The following TNR variants were observed in gnomAD, a reference collection of about 807,000 sequenced individuals.
The protein encoded by TNR is tenascin-R.
Under a neutral mutation model 150.4 loss-of-function variants are expected in TNR, and 45 were observed. That is an observed-to-expected ratio of 0.30 (90% CI 0.24 to 0.38). TNR has a LOEUF of 0.38. TNR is among the 10% of genes least tolerant of loss of function. The pLI, the probability that TNR is intolerant of heterozygous loss-of-function variation, is 1.00. For missense variants in TNR, 1,544 were observed against 1,759.1 expected (o/e 0.88, Z 2.19); for synonymous variants, 687 against 678.4 (o/e 1.01, Z -0.20).
At chr1:175,519,454 C>T (rs1659548220) in intron 2 of TNR, among the ~76,000 whole-genome samples, 1 of 152,200 alleles carries the variant, frequency 6.6e-6, no homozygotes, top group African/African-American at 2.4e-5. Flanking sequence ...AAATGCATCA[C>T]CATGCTTCCT....
At chr1:175,503,635 C>T in intron 2 of TNR, among the ~76,000 whole-genome samples, 1 of 152,158 alleles carries the variant, frequency 6.6e-6, no homozygotes, top group East Asian at 1.9e-4. Flanking sequence ...TCCACAAGGG[C>T]AGCTTTCTCC....
intron 1 of TNR, among the ~76,000 whole-genome samples, chr1:175,532,001 T>G (rs887735730): frequency 6.6e-6 from 1 of 152,224 alleles, no homozygotes; most frequent in African/African-American, 2.4e-5. Context: ...CCTCTTTGGC[T>G]TAGGTGAGTC....
At chr1:175,456,966 A>G (rs1218769360) in intron 2 of TNR, among the ~76,000 whole-genome samples, 2 of 152,120 alleles carry the variant, frequency 1.3e-5, no homozygotes, top group Non-Finnish European at 2.9e-5. Context: ...TGTGGGGGGC[A>G]TTTCAATCCT....
Position 175,396,543 on chromosome 1 carries a change from C to T in TNR, c.1240+1G>A, listed in dbSNP as rs1245352495. 8 of 1,613,028 alleles carry T rather than the reference C, an allele frequency of 5.0e-6. No individual in the cohort carries two copies. The Admixed American group carries it at 6.7e-5, about 13-fold the overall frequency. The stretch of plus-strand genomic sequence containing the variant: ...AAGCAGGACGGGGAAATGGTACGTA[C>T]GGGTGGCCACCTTGGCAGTGATGGG... On this transcript the variant is annotated splice_donor_variant, in intron 5 of 22. Transcript: ENST00000367674. LOFTEE classifies it high-confidence loss of function.
In TNR at chr1:175,322,792, G is replaced by T. The variant is rs769622418; in HGVS notation, c.*565C>A. The stretch of plus-strand genomic sequence containing the variant: ...GAGATACTGTCAAGAAAGAAAGGAG[G>T]GAAGGAGGGAAGGCAGGAAAGAAGG... On this transcript the variant is annotated 3_prime_UTR_variant, in exon 23 of 23. Coordinates refer to ENST00000367674, the MANE Select transcript of TNR (RefSeq NM_003285.3). 1.3e-5 allele frequency: 2 copies of T among 152,028 alleles called. No individual in the cohort carries two copies. The highest frequency in any genetic ancestry group is 2.9e-5 in the Non-Finnish European group (2 of 68,136). The allele number at this position is 152,028 out of a possible 1,614,324, so 9.4% of individuals were successfully genotyped here.
At chr1:175,519,535 C>T (rs1034835500) in intron 2 of TNR, among the ~76,000 whole-genome samples, 2 of 152,152 alleles carry the variant, frequency 1.3e-5, no homozygotes, top group African/African-American at 4.8e-5. Context: ...TACTCTTTAC[C>T]ATTTCATTAC....
chr1:175,730,698 TAAGG>T (rs1667614260), intron 1 of TNR, among the ~76,000 whole-genome samples: 1 of 152,136 alleles, frequency 6.6e-6, no homozygotes, highest in Admixed American at 6.5e-5. Flanking sequence ...GAACGGACAA[TAAGG>T]AAGAAATAAC....
At chr1:175,706,410 A>T (rs1367173649) in intron 1 of TNR, among the ~76,000 whole-genome samples, 1 of 152,134 alleles carries the variant, frequency 6.6e-6, no homozygotes, top group African/African-American at 2.4e-5. Flanking sequence ...ATTGAGAAGG[A>T]CATTAACAAG....
At position 175,517,071 on chromosome 1, in the gene TNR, C is replaced by A. The variant is rs1014377745; in HGVS notation, c.-64+11198G>T. ...AGAGAGAGAGAGAAAGAGAGAGAGACCTTCAAATACAGCACAGTGGTGCCA... is the reference window on the plus strand; with the variant it reads ...AGAGAGAGAGAGAAAGAGAGAGAGAACTTCAAATACAGCACAGTGGTGCCA... On this transcript the variant is annotated intron_variant, in intron 2 of 22. Transcript: ENST00000367674. Among the ~76,000 whole-genome samples the A allele has an allele frequency of 2.1e-5, 3 of 139,970 alleles. No individual in the cohort carries two copies. In the South Asian group the frequency reaches 7.1e-4, roughly 33 times the overall value. The allele number at this position is 139,970 out of a possible 152,430, so 91.8% of individuals were successfully genotyped here.
At chr1:175,625,527 A>G (rs917926193) in intron 1 of TNR, among the ~76,000 whole-genome samples, 2 of 152,238 alleles carry the variant, frequency 1.3e-5, no homozygotes, top group Non-Finnish European at 2.9e-5. Flanking sequence ...CCTGAGCTCC[A>G]GACTGGCTCA....
chr1:175,348,962 T>A (rs1650927930), intron 18 of TNR, among the ~76,000 whole-genome samples: 1 of 151,926 alleles, frequency 6.6e-6, no homozygotes. Context: ...AAAATAACAC[T>A]CAAAGGACTA....
chr1:175,440,625 G>A (rs1157006836), intron 2 of TNR, among the ~76,000 whole-genome samples: 6 of 151,962 alleles, frequency 3.9e-5, no homozygotes, highest in African/African-American at 1.4e-4. Context: ...GAGTAGGAGG[G>A]ACTATTGAAG....
chr1:175,723,394 C>G (rs1379115460), intron 1 of TNR, among the ~76,000 whole-genome samples: 2 of 152,148 alleles, frequency 1.3e-5, no homozygotes, highest in Non-Finnish European at 2.9e-5. Context: ...TCCACTCAGT[C>G]TCCAAATATG....
intron 1 of TNR, among the ~76,000 whole-genome samples, chr1:175,537,654 T>A (rs904292642): frequency 6.6e-6 from 1 of 152,220 alleles, no homozygotes; most frequent in African/African-American, 2.4e-5. Flanking sequence ...TGATAAAAGC[T>A]TGACTTTCCA....
chr1:175,608,622 G>T (rs1245700687), intron 1 of TNR, among the ~76,000 whole-genome samples: 1 of 152,100 alleles, frequency 6.6e-6, no homozygotes, highest in East Asian at 1.9e-4. Context: ...GTCTAAAACT[G>T]ACAAGGGATT....
intron 1 of TNR, among the ~76,000 whole-genome samples, chr1:175,624,311 A>G (rs1465953399): frequency 6.6e-6 from 1 of 152,128 alleles, no homozygotes; most frequent in Admixed American, 6.5e-5. Context: ...CCTTCCCTCC[A>G]TCCCCCAATT....
chr1:175,608,114 G>A (rs919052132), intron 1 of TNR, among the ~76,000 whole-genome samples: 1 of 152,170 alleles, frequency 6.6e-6, no homozygotes, highest in Non-Finnish European at 1.5e-5. Context: ...AGAAGCCTTT[G>A]TCATTCCTAT....
chr1:175,587,558 G>A (rs1214535970), intron 1 of TNR, among the ~76,000 whole-genome samples: 2 of 152,138 alleles, frequency 1.3e-5, no homozygotes, highest in Non-Finnish European at 2.9e-5. Context: ...CAGCAACAAA[G>A]TTGTGTAGCA....
chr1:175,553,815 CAA>C (rs1553238668), intron 1 of TNR, among the ~76,000 whole-genome samples: 188 of 143,456 alleles, frequency 1.3e-3, no homozygotes, highest in Middle Eastern at 6.9e-3. Context: ...TATACAAGAA[CAA>C]ACACACACAC....
Sources: allele counts gnomAD v4.1 joint callset (sites outside exome capture counted in the v4.1 genomes callset), GRCh38; gene constraint gnomAD v4.1.1; transcripts MANE v1.5; gene names NCBI Gene and HGNC (gene_info 2026-07-23, HGNC 2026-07-21).